RALGAPA1: variants seen among roughly 807,000 people sequenced by gnomAD.
RALGAPA1 encodes the protein ral GTPase-activating protein subunit alpha-1.
RALGAPA1 carries 52 observed loss-of-function variants against 269.6 expected under a neutral mutation model. That is an observed-to-expected ratio of 0.19 (90% CI 0.15 to 0.24). The LOEUF is 0.24. Ranked by LOEUF, RALGAPA1 falls within the 10% of genes least tolerant of loss-of-function variation. RALGAPA1 has a pLI of 1.00. For missense variants in RALGAPA1, 1,917 were observed against 3,013.9 expected, an observed-to-expected ratio of 0.64 and a Z score of 8.52; for synonymous variants, 817 against 1,008.3, an observed-to-expected ratio of 0.81 and a Z score of 3.60.
chr14:35,774,930 T>C (rs1482308761), intron 3 of RALGAPA1, 76 bp downstream of exon 3: 35 of 884,018 alleles, frequency 4.0e-5, no homozygotes, highest in Non-Finnish European at 6.3e-5. Context: ...ACATGTTTTA[T>C]AATTTAAATA....
At chr14:35,728,023 A>G (rs1299657853) in intron 13 of RALGAPA1, among the ~76,000 whole-genome samples, 1 of 152,220 alleles carries the variant, frequency 6.6e-6, no homozygotes, top group Non-Finnish European at 1.5e-5. Flanking sequence ...ATATTCAGTC[A>G]ATCATCAACT....
chr14:35,733,061 A>G (rs1167382281), intron 12 of RALGAPA1, among the ~76,000 whole-genome samples: 1 of 152,238 alleles, frequency 6.6e-6, no homozygotes, highest in East Asian at 1.9e-4. Flanking sequence ...CTCTCAGACC[A>G]CAATGGAATA....
At chr14:35,751,919 G>A (rs1351515008) in intron 8 of RALGAPA1, 105 bp downstream of exon 8, 7 of 1,444,636 alleles carry the variant, frequency 4.8e-6, no homozygotes, top group Non-Finnish European at 6.4e-6. Context: ...ACCAATACAA[G>A]TATTAAATAT....
At chr14:35,702,643 A>G (rs1191063211) in intron 16 of RALGAPA1, among the ~76,000 whole-genome samples, 2 of 151,920 alleles carry the variant, frequency 1.3e-5, no homozygotes, top group Non-Finnish European at 2.9e-5. Context: ...AAAGACACAA[A>G]TACATATGCA....
chr14:35,595,580 A>G, intron 37 of RALGAPA1, 54 bp downstream of exon 37: 1 of 1,467,922 alleles, frequency 6.8e-7, no homozygotes. Flanking sequence ...TATTTTCTGT[A>G]TTAACTGTCT....
intron 21 of RALGAPA1, among the ~76,000 whole-genome samples, chr14:35,681,245 G>A (rs2065415476): frequency 6.6e-6 from 1 of 152,084 alleles, no homozygotes; most frequent in Admixed American, 6.6e-5. Flanking sequence ...TATCTTTGTT[G>A]AATTTTGTGC....
At chr14:35,716,166 G>T (rs2068802261) in intron 16 of RALGAPA1, 1 of 797,092 alleles carries the variant, frequency 1.3e-6, no homozygotes, top group Non-Finnish European at 1.5e-6. Flanking sequence ...GGCCGAGGAG[G>T]GTGGATCACT....
chr14:35,773,983 G>A (rs930265315), intron 3 of RALGAPA1, among the ~76,000 whole-genome samples: 1 of 151,882 alleles, frequency 6.6e-6, no homozygotes, highest in Admixed American at 6.6e-5. Context: ...GCACAATCAC[G>A]GCTCACTATA....
At chr14:35,721,661 A>G in intron 16 of RALGAPA1, 27 bp downstream of exon 16, 1 of 1,600,568 alleles carries the variant, frequency 6.2e-7, no homozygotes, top group Non-Finnish European at 8.5e-7. Flanking sequence ...GCCCTGTACC[A>G]TTCTCATGAT....
intron 1 of RALGAPA1, chr14:35,808,040 G>A (rs984448458): frequency 6.6e-6 from 1 of 152,066 alleles, no homozygotes; most frequent in African/African-American, 2.4e-5. Context: ...CAAAAGAGTC[G>A]ATTAACATTA....
At chr14:35,659,739 A>C (rs1307624609) in intron 27 of RALGAPA1, among the ~76,000 whole-genome samples, 1 of 152,026 alleles carries the variant, frequency 6.6e-6, no homozygotes, top group East Asian at 1.9e-4. Flanking sequence ...TAAAATACTA[A>C]CAAACCAAAT....
intron 1 of RALGAPA1, among the ~76,000 whole-genome samples, 179 bp downstream of exon 1, chr14:35,808,551 G>A (rs1002588642): frequency 1.3e-5 from 2 of 152,186 alleles, no homozygotes; most frequent in Non-Finnish European, 2.9e-5. Context: ...ACAGTAATCA[G>A]TGCTGCCAAC....
intron 33 of RALGAPA1, among the ~76,000 whole-genome samples, chr14:35,629,280 G>A (rs1426813584): frequency 1.3e-5 from 1 of 75,714 alleles, no homozygotes; most frequent in Non-Finnish European, 3.3e-5. Flanking sequence ...GGATGTTTAG[G>A]GGGTGTGTGT....
chr14:35,684,816 C>A, intron 20 of RALGAPA1, 113 bp downstream of exon 20: 2 of 1,068,348 alleles, frequency 1.9e-6, no homozygotes, highest in East Asian at 2.6e-5. Flanking sequence ...AACGTGGGAG[C>A]CACTGCCTAA....
intron 31 of RALGAPA1, 26 bp downstream of exon 31, chr14:35,651,779 T>A: frequency 6.4e-7 from 1 of 1,573,128 alleles, no homozygotes; most frequent in African/African-American, 1.4e-5. Context: ...AACCACATAC[T>A]AATCATCAAA....
chr14:35,618,753 TA>T (rs909155672), intron 35 of RALGAPA1, among the ~76,000 whole-genome samples: 2 of 152,078 alleles, frequency 1.3e-5, no homozygotes, highest in African/African-American at 4.8e-5. Context: ...TCAGTGTTTG[TA>T]AACAAAGTAA....
intron 17 of RALGAPA1, among the ~76,000 whole-genome samples, chr14:35,694,429 G>T (rs79675385): frequency 1.3e-5 from 2 of 152,010 alleles, no homozygotes; most frequent in South Asian, 2.1e-4. Flanking sequence ...AAGTAAAAAC[G>T]ATAGAGCATC....
intron 37 of RALGAPA1, among the ~76,000 whole-genome samples, chr14:35,593,477 A>G (rs998273064): frequency 2.6e-5 from 4 of 152,186 alleles, no homozygotes; most frequent in African/African-American, 9.7e-5. Context: ...AGAAAAATCA[A>G]TTCTAAAATT....
intron 16 of RALGAPA1, among the ~76,000 whole-genome samples, chr14:35,711,257 C>A (rs1370288674): frequency 1.3e-5 from 2 of 152,066 alleles, no homozygotes; most frequent in Non-Finnish European, 2.9e-5. Flanking sequence ...AACACTGTAC[C>A]ACATTTGTTC....
Sources: allele counts gnomAD v4.1 joint callset (sites outside exome capture counted in the v4.1 genomes callset), GRCh38; gene constraint gnomAD v4.1.1; transcripts MANE v1.5; gene names NCBI Gene and HGNC (gene_info 2026-07-23, HGNC 2026-07-21).